EXOC4: variants seen among roughly 807,000 people sequenced by gnomAD.
The protein encoded by EXOC4 is SEC8-like 1.
EXOC4 carries 71 observed loss-of-function variants against 107.2 expected under a neutral mutation model. The observed-to-expected ratio is 0.66, with a 90% CI of 0.55 to 0.81. The LOEUF is 0.81. Ranked by LOEUF, EXOC4 falls within the 30% of genes least tolerant of loss-of-function variation. The probability of loss-of-function intolerance (pLI) is 0.00; values close to 1 mark genes in which losing one functional copy is unlikely to be tolerated. For missense variants in EXOC4, 1,108 were observed against 1,189.6 expected (o/e 0.93, Z 1.01); for synonymous variants, 456 against 441.2 (o/e 1.03, Z -0.42).
intron 17 of EXOC4, among the ~76,000 whole-genome samples, chr7:134,015,087 G>A (rs985739933): frequency 6.6e-6 from 1 of 152,150 alleles, no homozygotes; most frequent in Non-Finnish European, 1.5e-5. Flanking sequence ...CAAGGAAGGA[G>A]GTGGTGAAAG....
At chr7:133,736,544 G>A (rs1795448681) in intron 10 of EXOC4, among the ~76,000 whole-genome samples, 1 of 152,150 alleles carries the variant, frequency 6.6e-6, no homozygotes, top group South Asian at 2.1e-4. Context: ...TACATCAACA[G>A]ATTTCCTTCC....
In EXOC4 at chr7:134,022,993, T is replaced by C. The variant is rs531748554; in HGVS notation, c.2687+15158T>C. 5.1e-4 allele frequency among the ~76,000 whole-genome samples: 78 copies of C among 152,232 alleles called. 1 individual carries two copies. Among genetic ancestry groups the C allele is most frequent in the Non-Finnish European group, 8.4e-4 (57 of 68,036 alleles). Reference sequence around the variant, plus strand: ...TACCAAGCTGCCCCTCTTAAAACAATGTTTTCCCCATTCGATGTTAACCTC... The same window carrying C: ...TACCAAGCTGCCCCTCTTAAAACAACGTTTTCCCCATTCGATGTTAACCTC... On this transcript the variant is annotated intron_variant, in intron 17 of 17. Coordinates refer to ENST00000253861, the MANE Select transcript of EXOC4 (RefSeq NM_021807.4).
intron 10 of EXOC4, among the ~76,000 whole-genome samples, chr7:133,639,790 T>C (rs1802806701): frequency 6.6e-6 from 1 of 152,142 alleles, no homozygotes; most frequent in Non-Finnish European, 1.5e-5. Context: ...AATAGTAATT[T>C]TGACAATTGC....
chr7:133,721,864 G>A (rs866083319), intron 10 of EXOC4, among the ~76,000 whole-genome samples: 1 of 152,124 alleles, frequency 6.6e-6, no homozygotes, highest in African/African-American at 2.4e-5. Context: ...ATTTTTGTGG[G>A]GAGTAATAAA....
chr7:133,405,278 A>G (rs560040747), intron 7 of EXOC4, among the ~76,000 whole-genome samples: 3 of 152,256 alleles, frequency 2.0e-5, no homozygotes, highest in South Asian at 4.1e-4. Context: ...TATGTAGGCA[A>G]TGATTCATAT....
chr7:133,521,046 TG>T (rs1194569839), intron 9 of EXOC4, among the ~76,000 whole-genome samples: 2 of 152,204 alleles, frequency 1.3e-5, no homozygotes, highest in East Asian at 3.9e-4. Flanking sequence ...TTACGTGGTC[TG>T]GATGGTAAAC....
intron 4 of EXOC4, among the ~76,000 whole-genome samples, chr7:133,313,967 G>A (rs1464673504): frequency 5.9e-5 from 9 of 152,096 alleles, no homozygotes; most frequent in Non-Finnish European, 2.9e-5. Flanking sequence ...ATTCTGAATG[G>A]ATTTAAAATA....
rs573706529 is a variant in EXOC4 at position 133,325,788 on chromosome 7, A to G, written c.763+8398A>G. On this transcript the variant is annotated intron_variant, in intron 5 of 17. Transcript: ENST00000253861. ...TGCTAGGTTGGGGAAGTTCTCCTGT[A>G]TAATTTCCTGCAGAGTGTTTTCCAA... Among the ~76,000 whole-genome samples, 195 of 152,328 alleles carry G rather than the reference A, an allele frequency of 1.3e-3. 1 individual carries two copies. The highest frequency in any genetic ancestry group is 4.4e-3 in the African/African-American group (181 of 41,580).
chr7:133,584,574 G>T (rs564242080), intron 9 of EXOC4, among the ~76,000 whole-genome samples: 2 of 84,804 alleles, frequency 2.4e-5, no homozygotes, highest in South Asian at 4.2e-4. Flanking sequence ...ACGTATTTCA[G>T]TTTTTTTTTT....
At chr7:133,371,638 AT>A (rs1796380082) in intron 6 of EXOC4, among the ~76,000 whole-genome samples, 2 of 152,186 alleles carry the variant, frequency 1.3e-5, no homozygotes, top group South Asian at 4.1e-4. Context: ...TTATCAGTTG[AT>A]GGATATTTGG....
chr7:134,046,485 A>G (rs1795654823), intron 17 of EXOC4, among the ~76,000 whole-genome samples: 1 of 151,366 alleles, frequency 6.6e-6, no homozygotes, highest in Non-Finnish European at 1.5e-5. Flanking sequence ...AAAAAACAAA[A>G]AAAGACGGCT....
At chr7:133,689,832 T>G (rs1349361222) in intron 10 of EXOC4, among the ~76,000 whole-genome samples, 4 of 152,132 alleles carry the variant, frequency 2.6e-5, no homozygotes, top group Non-Finnish European at 2.9e-5. Context: ...TTACAACAAA[T>G]TTAGCTTAAA....
At chr7:133,787,335 T>TTGTGTG (rs757017206) in intron 10 of EXOC4, among the ~76,000 whole-genome samples, 20 of 113,924 alleles carry the variant, frequency 1.8e-4, no homozygotes, top group Non-Finnish European at 2.4e-4. Context: ...ATAGGCTAAT[T>TTGTGTG]TGTGTGTGTG....
At chr7:133,882,248 G>C (rs1159449788) in intron 11 of EXOC4, among the ~76,000 whole-genome samples, 1 of 152,130 alleles carries the variant, frequency 6.6e-6, no homozygotes, top group African/African-American at 2.4e-5. Context: ...TTATTTATCT[G>C]CTCTACTGTT....
At chr7:134,086,789 C>A in the EXOC4 span, among the ~76,000 whole-genome samples, 1 of 152,176 alleles carries the variant, frequency 6.6e-6, no homozygotes, top group African/African-American at 2.4e-5. Flanking sequence ...ATAGACAGAG[C>A]AGCCACAGGG....
chr7:133,612,385 T>C (rs1019372374), intron 9 of EXOC4, among the ~76,000 whole-genome samples: 3 of 152,188 alleles, frequency 2.0e-5, no homozygotes, highest in African/African-American at 7.2e-5. Context: ...TCTCTTTATA[T>C]GCCAAGGAAG....
At chr7:134,083,688 T>TA in the EXOC4 span, among the ~76,000 whole-genome samples, 2 of 152,154 alleles carry the variant, frequency 1.3e-5, no homozygotes, top group Admixed American at 1.3e-4. Flanking sequence ...CTCAGGGCTC[T>TA]AAAAAAAACC....
chr7:133,788,389 T>C (rs575774845), intron 10 of EXOC4, among the ~76,000 whole-genome samples: 99 of 150,480 alleles, frequency 6.6e-4, no homozygotes, highest in Non-Finnish European at 9.6e-4. Context: ...AACTCATGAA[T>C]TTTTTTTTTC....
At chr7:133,851,936 GT>G (rs1056734978) in intron 11 of EXOC4, among the ~76,000 whole-genome samples, 2 of 152,090 alleles carry the variant, frequency 1.3e-5, no homozygotes. Context: ...TGTCGCCATT[GT>G]TTTTCTAAGA....
Sources: gnomAD v4.1 joint callset for allele counts (sites outside exome capture counted in the v4.1 genomes callset) on GRCh38, gnomAD v4.1.1 for gene constraint, MANE v1.5 for transcripts, NCBI Gene and HGNC (gene_info 2026-07-23, HGNC 2026-07-21) for gene names.